PCMTD1: variants seen among roughly 807,000 people sequenced by gnomAD.
PCMTD1 encodes protein-L-isoaspartate (D-aspartate) O-methyltransferase domain containing 1.
Under a neutral mutation model 37.6 loss-of-function variants are expected in PCMTD1, and 12 were observed. That is an observed-to-expected ratio of 0.32 (90% CI 0.20 to 0.52). The LOEUF is 0.52. PCMTD1 is among the 20% of genes least tolerant of loss of function. The probability of loss-of-function intolerance (pLI) is 0.97; values close to 1 mark genes in which losing one functional copy is unlikely to be tolerated. For synonymous variants in PCMTD1, 117 were observed against 135.8 expected (o/e 0.86, Z 0.96); for missense variants, 235 against 421.3 (o/e 0.56, Z 3.87).
chr8:51,879,593 T>A (rs1260171561), intron 1 of PCMTD1, among the ~76,000 whole-genome samples: 2 of 152,162 alleles, frequency 1.3e-5, no homozygotes, highest in African/African-American at 4.8e-5. Flanking sequence ...CAGGTTCTCC[T>A]CAATTAAAGC....
intron 1 of PCMTD1, among the ~76,000 whole-genome samples, chr8:51,873,573 T>C (rs573782508): frequency 4.6e-5 from 7 of 152,160 alleles, no homozygotes; most frequent in African/African-American, 7.2e-5. Flanking sequence ...CCAAATCCCA[T>C]GTTGAACTGT....
intron 3 of PCMTD1, among the ~76,000 whole-genome samples, chr8:51,838,363 C>A (rs2038097575): frequency 6.6e-6 from 1 of 151,740 alleles, no homozygotes; most frequent in Admixed American, 6.6e-5. Flanking sequence ...GTAGCACGCG[C>A]CTATAGTCCC....
intron 1 of PCMTD1, among the ~76,000 whole-genome samples, chr8:51,896,538 C>T (rs972331090): frequency 2.6e-5 from 4 of 152,078 alleles, no homozygotes; most frequent in Non-Finnish European, 4.4e-5. Flanking sequence ...GCTGTGAGAG[C>T]TACAATTTAC....
At chr8:51,889,907 T>C (rs1042546465) in intron 1 of PCMTD1, among the ~76,000 whole-genome samples, 2 of 150,348 alleles carry the variant, frequency 1.3e-5, no homozygotes, top group Admixed American at 1.3e-4. Flanking sequence ...CACAAAAATA[T>C]ATATTAGTGT....
chr8:51,867,737 T>A (rs2038578265), intron 1 of PCMTD1, among the ~76,000 whole-genome samples: 1 of 151,898 alleles, frequency 6.6e-6, no homozygotes, highest in Non-Finnish European at 1.5e-5. Context: ...CACTACATGA[T>A]CTCACTCATG....
chr8:51,847,559 GGAGGTTGCACT>G (rs1411201474), intron 2 of PCMTD1, among the ~76,000 whole-genome samples: 1 of 152,048 alleles, frequency 6.6e-6, no homozygotes, highest in East Asian at 1.9e-4. Flanking sequence ...CTCAGGAGAC[GGAGGTTGCACT>G]GAGCCAAGAT....
chr8:51,820,747 A>T, intron 5 of PCMTD1, 29 bp from the exon 6 acceptor site: 1 of 1,547,928 alleles, frequency 6.5e-7, no homozygotes, highest in Non-Finnish European at 8.7e-7. Context: ...CGCAAGAAAG[A>T]AAATATTAAC....
chr8:51,825,364 A>G (rs1322229489), intron 5 of PCMTD1, among the ~76,000 whole-genome samples: 1 of 151,376 alleles, frequency 6.6e-6, no homozygotes, highest in African/African-American at 2.4e-5. Context: ...ACCCCATCAA[A>G]AAGTGGGCAA....
chr8:51,841,457 C>T (rs531147923), intron 3 of PCMTD1, among the ~76,000 whole-genome samples: 1 of 152,062 alleles, frequency 6.6e-6, no homozygotes, highest in African/African-American at 2.4e-5. Context: ...TAAAAGGGGA[C>T]GAATATAGGA....
At position 51,820,612 on chromosome 8, in the gene PCMTD1, C is replaced by T. The variant is rs778430843; in HGVS notation, c.813G>A (p.Arg271=). 6.9e-5 allele frequency: 111 copies of T among 1,611,256 alleles called. No homozygotes were observed. The Middle Eastern group carries it at 3.6e-3, about 53-fold the overall frequency. ...DEMQAKGIPQ[R]APPKRKRKRV... ...TCTTTCTTTTCCTTTTGGGTGGAGC[C>T]CTTTGAGGAATCCCCTTGGCCTGCA... The change falls in exon 6 of 6, where the codon AGG becomes AGA. Residue 271 remains arginine, a synonymous_variant. Transcript: ENST00000522514.
At chr8:51,891,709 T>C (rs965516766) in intron 1 of PCMTD1, among the ~76,000 whole-genome samples, 1 of 148,330 alleles carries the variant, frequency 6.7e-6, no homozygotes, top group Admixed American at 6.8e-5. Flanking sequence ...TATATATATA[T>C]ATAGCTTCAG....
Position 51,823,881 on chromosome 8 carries a change from A to C in PCMTD1, c.707-3163T>G, listed in dbSNP as rs139664056. ...TCTGCTTCATCCCTGGGATGCAAGGATGATTCAACATATGCAAATCAATAA... is the reference window on the plus strand; with the variant it reads ...TCTGCTTCATCCCTGGGATGCAAGGCTGATTCAACATATGCAAATCAATAA... On this transcript the variant is annotated intron_variant, in intron 5 of 5. Coordinates refer to ENST00000522514, the MANE Select transcript of PCMTD1 (RefSeq NM_052937.4). Among the ~76,000 whole-genome samples the C allele has an allele frequency of 4.8e-4, 73 of 152,314 alleles. 1 individual carries two copies. The highest frequency in any genetic ancestry group is 1.1e-3 in the African/African-American group (46 of 41,578).
chr8:51,898,237 A>G (rs937513072), intron 1 of PCMTD1, among the ~76,000 whole-genome samples: 1 of 152,212 alleles, frequency 6.6e-6, no homozygotes, highest in Non-Finnish European at 1.5e-5. Flanking sequence ...ACAAAATTAT[A>G]GAAGTTCCAA....
chr8:51,858,192 A>C (rs2038418628), intron 2 of PCMTD1, among the ~76,000 whole-genome samples: 1 of 152,086 alleles, frequency 6.6e-6, no homozygotes, highest in Non-Finnish European at 1.5e-5. Flanking sequence ...AGTCAAGTGG[A>C]AATTCCCCAA....
intron 4 of PCMTD1, among the ~76,000 whole-genome samples, chr8:51,832,197 ATAGAG>A (rs1156254080): frequency 6.6e-6 from 1 of 152,244 alleles, no homozygotes; most frequent in African/African-American, 2.4e-5. Context: ...GTAAAATAGT[ATAGAG>A]TAAATGTTTA....
Position 51,893,389 on chromosome 8 carries a change from T to G in PCMTD1, c.-96+5541A>C, listed in dbSNP as rs143006304. The stretch of plus-strand genomic sequence containing the variant: ...AAATTTCATATGAACTCTTCAGCAA[T>G]GTAAGAATTATGTATAATCTGTGTG... On this transcript the variant is annotated intron_variant, in intron 1 of 5. Transcript: ENST00000522514. Among the ~76,000 whole-genome samples, 192 of 152,300 alleles carry G rather than the reference T, an allele frequency of 1.3e-3. 1 individual carries two copies. The highest frequency in any genetic ancestry group is 4.4e-3 in the African/African-American group (183 of 41,560).
At chr8:51,865,921 G>A (rs1418810545) in intron 1 of PCMTD1, among the ~76,000 whole-genome samples, 2 of 151,408 alleles carry the variant, frequency 1.3e-5, no homozygotes, top group African/African-American at 2.4e-5. Flanking sequence ...AAATTGTAAA[G>A]ACCCACCAAA....
chr8:51,856,447 T>C (rs1351815954), intron 2 of PCMTD1, among the ~76,000 whole-genome samples: 6 of 152,218 alleles, frequency 3.9e-5, no homozygotes, highest in Admixed American at 1.3e-4. Flanking sequence ...GAAAACACTT[T>C]GTTGGTCTCT....
intron 1 of PCMTD1, among the ~76,000 whole-genome samples, chr8:51,874,652 T>C (rs1425708961): frequency 6.6e-6 from 1 of 152,238 alleles, no homozygotes; most frequent in Non-Finnish European, 1.5e-5. Flanking sequence ...ACAGTGTATT[T>C]CAAAATACAC....
Sources: gnomAD v4.1 joint callset for allele counts (sites outside exome capture counted in the v4.1 genomes callset) on GRCh38, gnomAD v4.1.1 for gene constraint, MANE v1.5 for transcripts, NCBI Gene and HGNC (gene_info 2026-07-23, HGNC 2026-07-21) for gene names.